The following ACTA2 variants were observed in gnomAD, a reference collection of about 807,000 sequenced individuals.
The protein encoded by ACTA2 is actin alpha 2, smooth muscle.
In ACTA2, 12 loss-of-function variants were observed where a neutral mutation model predicts 39.5. The ratio of observed to expected loss-of-function variants is 0.30; its 90% CI spans 0.19 to 0.49. The LOEUF is 0.49. Among genes scored for constraint, ACTA2 ranks in the 20% least tolerant of loss-of-function variants. The pLI, the probability that ACTA2 is intolerant of heterozygous loss-of-function variation, is 0.99. For missense variants in ACTA2, 236 were observed against 498.8 expected (o/e 0.47, Z 5.02); for synonymous variants, 158 against 180.6 (o/e 0.88, Z 1.00).
chr10:88,935,805 A>C (rs1427429763), intron 8 of ACTA2, among the ~76,000 whole-genome samples: 3 of 152,230 alleles, frequency 2.0e-5, no homozygotes, highest in African/African-American at 7.2e-5. Context: ...ATGTGTTTCC[A>C]CGTGGTGAAG....
At chr10:88,983,704 T>C (rs1423907347) in intron 1 of ACTA2, among the ~76,000 whole-genome samples, 2 of 151,856 alleles carry the variant, frequency 1.3e-5, no homozygotes, top group Non-Finnish European at 2.9e-5. Flanking sequence ...TACTGATATC[T>C]TATTTTTGTT....
At chr10:88,973,140 T>C in intron 1 of ACTA2, 1 of 1,563,588 alleles carries the variant, frequency 6.4e-7, no homozygotes, top group Non-Finnish European at 8.6e-7. Context: ...GGGCCTTGCC[T>C]CCCAATCCTC....
upstream of ACTA2, among the ~76,000 whole-genome samples, chr10:88,954,537 T>C (rs1010951871): frequency 3.9e-5 from 6 of 152,160 alleles, no homozygotes; most frequent in African/African-American, 1.2e-4. Flanking sequence ...TCCTCCTGCT[T>C]TTGACTCACG....
At chr10:88,946,323 T>C (rs1417343137) in intron 3 of ACTA2, among the ~76,000 whole-genome samples, 3 of 146,532 alleles carry the variant, frequency 2.0e-5, no homozygotes, top group Non-Finnish European at 3.0e-5. Flanking sequence ...GCTATGTTGC[T>C]CAGGCTGGTC....
intron 1 of ACTA2, among the ~76,000 whole-genome samples, chr10:88,979,725 C>T (rs1254850531): frequency 1.3e-5 from 2 of 152,082 alleles, no homozygotes; most frequent in Non-Finnish European, 2.9e-5. Flanking sequence ...TCAATTCGAT[C>T]AGAAAAGGTT....
chr10:88,935,090 T>A lies in ACTA2; in HGVS notation c.*133A>T, dbSNP rs1845707376. 7.6e-7 allele frequency: 1 copy of A among 1,315,998 alleles called. No homozygotes were observed. Among genetic ancestry groups the A allele is most frequent in the Non-Finnish European group, 1.1e-6 (1 of 937,234 alleles). 81.5% of individuals were successfully genotyped at this position (1,315,998 alleles called of 1,614,324 possible). A position where few individuals can be genotyped will look rare whatever the true frequency, so the allele number is the denominator to read the frequency against. ...CGCAAGAAGTTACCAGTAGCCTATT[T>A]CAGATTTATTAAAAAACACATAGGT... On this transcript the variant is annotated 3_prime_UTR_variant, in exon 9 of 9. Transcript: ENST00000224784.
intron 1 of ACTA2, among the ~76,000 whole-genome samples, chr10:88,970,893 G>GTATA (rs201282542): frequency 5.2e-4 from 79 of 151,760 alleles, no homozygotes; most frequent in African/African-American, 1.5e-3. Context: ...GTGTGTGTGT[G>GTATA]TGTGTATATA....
chr10:88,941,583 A>T (rs1845853395), intron 5 of ACTA2, among the ~76,000 whole-genome samples, 193 bp from the exon 6 acceptor site: 1 of 152,154 alleles, frequency 6.6e-6, no homozygotes, highest in Non-Finnish European at 1.5e-5. Flanking sequence ...GAACAGGAAG[A>T]GGAAAACAGT....
At chr10:88,951,534 A>T (rs1175927925) in intron 1 of ACTA2, among the ~76,000 whole-genome samples, 1 of 152,184 alleles carries the variant, frequency 6.6e-6, no homozygotes, top group African/African-American at 2.4e-5. Context: ...AAATCTAGGA[A>T]GAATGTTATA....
upstream of ACTA2, among the ~76,000 whole-genome samples, chr10:88,954,151 T>C (rs1244979667): frequency 6.6e-6 from 1 of 152,154 alleles, no homozygotes; most frequent in Non-Finnish European, 1.5e-5. Context: ...GTGAGAAAAA[T>C]CCCAAAATGA....
Position 88,958,132 on chromosome 10 carries a change from G to A in ACTA2, c.-23-9179C>T, listed in dbSNP as rs113812458. On this transcript the variant is annotated intron_variant, in intron 1 of 4. Coordinates refer to the ACTA2 transcript ENST00000415557. ...ATACTACTTTGTGTTTGCCTCTCTC[G>A]TAGCACTCACTATATTGTTCTATAA... 4.9e-3 allele frequency among the ~76,000 whole-genome samples: 739 copies of A among 152,192 alleles called. 13 individuals are homozygous for A. Among genetic ancestry groups the A allele is most frequent in the Non-Finnish European group, 3.8e-3 (260 of 68,000 alleles).
At chr10:88,938,675 C>T (rs1845791423) in intron 7 of ACTA2, among the ~76,000 whole-genome samples, 1 of 118,722 alleles carries the variant, frequency 8.4e-6, no homozygotes, top group Non-Finnish European at 1.6e-5. Flanking sequence ...ATCAGGGAAA[C>T]TTACTCTATT....
At chr10:88,936,412 C>A (rs1845739421) in intron 8 of ACTA2, among the ~76,000 whole-genome samples, 1 of 152,154 alleles carries the variant, frequency 6.6e-6, no homozygotes, top group South Asian at 2.1e-4. Flanking sequence ...GAGATGTAAT[C>A]CCCCGTGTTG....
intron 4 of ACTA2, among the ~76,000 whole-genome samples, chr10:88,942,155 G>A (rs1344616277): frequency 6.6e-6 from 1 of 152,178 alleles, no homozygotes; most frequent in Non-Finnish European, 1.5e-5. Context: ...CTCTGGTCCT[G>A]GCTTTGACTA....
rs775742052 is a variant in ACTA2, at chr10:88,935,352, C to T, written c.1005G>A (p.Pro335=). The T allele has an allele frequency of 3.1e-6, 5 of 1,613,758 alleles. No individual in the cohort carries two copies. Among genetic ancestry groups the T allele is most frequent in the Admixed American group, 3.3e-5 (2 of 60,006 alleles). Reference sequence around the variant, plus strand: ...CGATCCAGACAGAGTATTTGCGCTCCGGAGGGGCAATGATCTGTCAGTCAA... The same window carrying T: ...CGATCCAGACAGAGTATTTGCGCTCTGGAGGGGCAATGATCTGTCAGTCAA... The part of the protein sequence containing the change: ...STMKIKIIAP[P]ERKYSVWIGG... Residue 335 remains proline (P), a synonymous_variant, in exon 9 of 9, where the codon CCG becomes CCA. Coordinates refer to ENST00000224784, the MANE Select transcript of ACTA2 (RefSeq NM_001613.4).
chr10:88,971,246 A>G (rs1261362878), intron 1 of ACTA2, among the ~76,000 whole-genome samples: 6 of 152,250 alleles, frequency 3.9e-5, no homozygotes, highest in African/African-American at 1.4e-4. Flanking sequence ...CTCATCTCTA[A>G]GTGTGTGAAG....
chr10:88,980,153 A>C (rs1234595358), intron 1 of ACTA2, among the ~76,000 whole-genome samples: 1 of 152,256 alleles, frequency 6.6e-6, no homozygotes, highest in African/African-American at 2.4e-5. Context: ...GAAATGAAAT[A>C]GTTCAGTTTT....
chr10:88,970,162 C>T (rs1846400091), intron 1 of ACTA2, among the ~76,000 whole-genome samples: 1 of 152,126 alleles, frequency 6.6e-6, no homozygotes, highest in African/African-American at 2.4e-5. Context: ...AAAGGTTTTA[C>T]TGTACTTGGA....
chr10:88,978,145 A>G (rs1846616453), intron 1 of ACTA2, among the ~76,000 whole-genome samples: 1 of 108,236 alleles, frequency 9.2e-6, no homozygotes, highest in African/African-American at 3.5e-5. Flanking sequence ...AAACTATCGC[A>G]AGAACAAAAA....
Sources: allele counts gnomAD v4.1 joint callset (sites outside exome capture counted in the v4.1 genomes callset), GRCh38; gene constraint gnomAD v4.1.1; transcripts MANE v1.5; gene names NCBI Gene and HGNC (gene_info 2026-07-23, HGNC 2026-07-21).